The following SEMA3A variants were observed in gnomAD, a reference collection of about 807,000 sequenced individuals.
The protein encoded by SEMA3A is semaphorin 3A, also known as semaphorin-3A.
SEMA3A carries 29 observed loss-of-function variants against 97.9 expected under a neutral mutation model. The observed-to-expected ratio is 0.30, with a 90% confidence interval of 0.22 to 0.40. The LOEUF (loss-of-function observed/expected upper bound fraction) is 0.40, where lower values mean the gene tolerates loss of function less well. SEMA3A is among the 10% of genes least tolerant of loss of function. The pLI is 1.00. For synonymous variants in SEMA3A, 321 were observed against 323.7 expected (o/e 0.99, Z 0.09); for missense variants, 763 against 951.3 (o/e 0.80, Z 2.60).
At chr7:84,184,430 A>C (rs1797816788) in intron 1 of SEMA3A, among the ~76,000 whole-genome samples, 1 of 152,176 alleles carries the variant, frequency 6.6e-6, no homozygotes, top group Non-Finnish European at 1.5e-5. Context: ...GCCTAGCTTG[A>C]GATTGATCTG....
intron 4 of SEMA3A, among the ~76,000 whole-genome samples, chr7:84,081,419 C>T (rs1400513260): frequency 5.3e-5 from 8 of 151,876 alleles, no homozygotes; most frequent in South Asian, 2.1e-4. Context: ...GGTGAAACCC[C>T]GTCTCTACTA....
At chr7:84,013,613 T>TG (rs1230186894) in intron 7 of SEMA3A, among the ~76,000 whole-genome samples, 9 of 150,760 alleles carry the variant, frequency 6.0e-5, no homozygotes, top group African/African-American at 2.2e-4. Flanking sequence ...CCCAGCCCTT[T>TG]CGGGGGCCAA....
At chr7:84,410,687 G>A (rs927569917) in intron 1 of SEMA3A, among the ~76,000 whole-genome samples, 7 of 151,938 alleles carry the variant, frequency 4.6e-5, no homozygotes, top group Non-Finnish European at 1.0e-4. Context: ...CATGTTTTTC[G>A]CATAAAGAAA....
intron 2 of SEMA3A, among the ~76,000 whole-genome samples, chr7:84,325,268 C>T (rs1297416634): frequency 6.6e-6 from 1 of 151,910 alleles, no homozygotes; most frequent in Non-Finnish European, 1.5e-5. Context: ...AACTAACATT[C>T]AAGTGAAAAG....
intron 15 of SEMA3A, among the ~76,000 whole-genome samples, chr7:83,976,360 A>G (rs77149408): frequency 0.042 from 6,357 of 152,266 alleles, 426 homozygotes; most frequent in African/African-American, 0.14. Flanking sequence ...CAATGTTTAC[A>G]TTGTACATTT....
intron 3 of SEMA3A, among the ~76,000 whole-genome samples, chr7:84,230,124 C>T (rs1430358934): frequency 6.6e-6 from 1 of 151,786 alleles, no homozygotes; most frequent in Non-Finnish European, 1.5e-5. Context: ...AAAATGCCAC[C>T]TCCTTCCTTT....
At position 84,020,035 on chromosome 7, in the gene SEMA3A, C is replaced by CTTTTTTTTTTTTT. The variant is rs781108685; in HGVS notation, c.668-5697_668-5685dup. 3.1e-4 allele frequency among the ~76,000 whole-genome samples: 18 copies of CTTTTTTTTTTTTT among 58,258 alleles called. 2 individuals carry two copies. Among genetic ancestry groups the CTTTTTTTTTTTTT allele is most frequent in the Admixed American group, 8.1e-4 (3 of 3,688 alleles). The allele number at this position is 58,258 out of a possible 152,430, so 38.2% of individuals were successfully genotyped here. A position where few individuals can be genotyped will look rare whatever the true frequency, so the allele number is the denominator to read the frequency against. On this transcript the variant is annotated intron_variant, in intron 6 of 16. Coordinates refer to ENST00000265362, the MANE Select transcript of SEMA3A (RefSeq NM_006080.3). ...AATATTGTTAATGATTTTTTTCTTT[C>CTTTTTTTTTTTTT]TTTTTTTTTTTTTTTTTTTTTTTTT...
intron 12 of SEMA3A, among the ~76,000 whole-genome samples, chr7:83,986,074 G>A (rs1034546346): frequency 6.6e-6 from 1 of 152,134 alleles, no homozygotes; most frequent in Non-Finnish European, 1.5e-5. Flanking sequence ...CTTTTATCTT[G>A]ATTCAGCATG....
intron 1 of SEMA3A, among the ~76,000 whole-genome samples, chr7:84,159,479 T>C (rs981807322): frequency 3.9e-5 from 6 of 152,184 alleles, no homozygotes; most frequent in Admixed American, 6.5e-5. Flanking sequence ...CAGGAAATAT[T>C]ACACATAAAT....
intron 2 of SEMA3A, among the ~76,000 whole-genome samples, chr7:84,314,912 T>G (rs1452653954): frequency 6.6e-6 from 1 of 152,134 alleles, no homozygotes; most frequent in African/African-American, 2.4e-5. Flanking sequence ...AATGAAAAAC[T>G]AATGAGGAAA....
chr7:84,177,842 T>G (rs564464605), intron 1 of SEMA3A, among the ~76,000 whole-genome samples: 17 of 152,146 alleles, frequency 1.1e-4, no homozygotes, highest in Non-Finnish European at 1.9e-4. Flanking sequence ...AATGTCATGA[T>G]AAACTTCTGG....
In SEMA3A at chr7:84,099,295, C is replaced by T. The variant is rs1422573035; in HGVS notation, c.453+11175G>A. Among the ~76,000 whole-genome samples, 5 of 56,074 alleles carry T rather than the reference C, an allele frequency of 8.9e-5. 2 individuals are homozygous for T. Among genetic ancestry groups the T allele is most frequent in the Non-Finnish European group, 3.0e-4 (5 of 16,432 alleles). The allele number at this position is 56,074 out of a possible 152,430, so 36.8% of individuals were successfully genotyped here. On this transcript the variant is annotated intron_variant, in intron 4 of 16. Transcript: ENST00000265362. ...CCGTGTTAGCCAGGATGGTCTCGAT[C>T]TCCTGACCTCGTGATCCGCCCGCCT...
At chr7:84,067,459 A>AG (rs1189366937) in intron 4 of SEMA3A, among the ~76,000 whole-genome samples, 1 of 151,612 alleles carries the variant, frequency 6.6e-6, no homozygotes, top group African/African-American at 2.4e-5. Context: ...GCACAGCAAA[A>AG]GAAACTACCA....
chr7:84,466,073 G>A (rs1441260253), intron 1 of SEMA3A, among the ~76,000 whole-genome samples: 4 of 152,090 alleles, frequency 2.6e-5, no homozygotes, highest in Non-Finnish European at 4.4e-5. Context: ...TGCAAATCCA[G>A]TATTTGCAAC....
intron 4 of SEMA3A, among the ~76,000 whole-genome samples, chr7:84,097,948 C>T (rs904924608): frequency 1.3e-5 from 2 of 151,760 alleles, no homozygotes; most frequent in African/African-American, 4.8e-5. Flanking sequence ...TTCATAAGTA[C>T]AAAATTAGAG....
intron 2 of SEMA3A, among the ~76,000 whole-genome samples, chr7:84,367,358 G>A (rs539280001): frequency 1.3e-5 from 2 of 151,374 alleles, no homozygotes; most frequent in South Asian, 4.2e-4. Flanking sequence ...TAGGCCAGTG[G>A]ATCCTCAAAA....
chr7:84,480,400 C>T (rs1300065261), intron 1 of SEMA3A, among the ~76,000 whole-genome samples: 4 of 152,090 alleles, frequency 2.6e-5, no homozygotes, highest in South Asian at 2.1e-4. Flanking sequence ...TAAAACTGCT[C>T]GTAGGGAATC....
rs1017379647 is a variant in SEMA3A, at chr7:84,049,188, T to C, written c.548-2745A>G. 4.6e-5 allele frequency among the ~76,000 whole-genome samples: 7 copies of C among 152,080 alleles called. No homozygotes were observed. In the East Asian group the frequency reaches 5.8e-4, roughly 13 times the overall value. On this transcript the variant is annotated intron_variant, in intron 5 of 16. Coordinates refer to ENST00000265362, the MANE Select transcript of SEMA3A (RefSeq NM_006080.3). ...TTTAGGCACCAGTTGCCTCCAGCTA[T>C]AGGAAATTACCTCCCACATGAATAT...
intron 1 of SEMA3A, among the ~76,000 whole-genome samples, chr7:84,463,589 G>A (rs968705823): frequency 6.6e-6 from 1 of 151,868 alleles, no homozygotes; most frequent in African/African-American, 2.4e-5. Flanking sequence ...AGGCTCCATT[G>A]ACCCTTATTC....
Sources: allele counts gnomAD v4.1 joint callset (sites outside exome capture counted in the v4.1 genomes callset), GRCh38; gene constraint gnomAD v4.1.1; transcripts MANE v1.5; gene names NCBI Gene and HGNC (gene_info 2026-07-23, HGNC 2026-07-21).